Variants in SI observed in about 807,000 individuals in gnomAD.
SI encodes the protein sucrase-isomaltase, intestinal.
A neutral mutation model predicts 253.3 loss-of-function variants in SI; 235 were observed. The ratio of observed to expected loss-of-function variants is 0.93; its 90% CI spans 0.83 to 1.03. The LOEUF (loss-of-function observed/expected upper bound fraction) is 1.03. Among genes scored for constraint, SI ranks in the 50% least tolerant of loss-of-function variants. SI has a pLI of 0.00. For synonymous variants in SI, 819 were observed against 712.0 expected (o/e 1.15, Z -2.39); for missense variants, 2,442 against 2,211.1 (o/e 1.10, Z -2.09).
chr3:165,039,434 T>C (rs1712703209), intron 19 of SI, among the ~76,000 whole-genome samples: 1 of 152,150 alleles, frequency 6.6e-6, no homozygotes, highest in African/African-American at 2.4e-5. Flanking sequence ...TGTTTATTTC[T>C]GTATACCTCA....
chr3:165,019,646 T>G lies in SI; in HGVS notation c.3379A>C (p.Asn1127His), dbSNP rs1436101037. The change falls in exon 28 of 48, where the codon AAC (asparagine) becomes CAC (histidine). Residue 1127 changes from asparagine to histidine, a missense_variant. By Grantham distance (68) the Asn-to-His change is moderately conservative (BLOSUM62 1). Coordinates refer to ENST00000264382, the MANE Select transcript of SI (RefSeq NM_001041.4). ...GTGAACATTCCCCAAGTATTCCAGT[T>G]CAGATCTCGCTTAAATGCTGTATGT... Reference protein sequence around the residue: ...VEHTAFKRDLNWNTWGMFTRD... With the variant: ...VEHTAFKRDLHWNTWGMFTRD... The G allele has an allele frequency of 1.2e-6, 2 of 1,612,476 alleles. No individual in the cohort carries two copies. Among genetic ancestry groups the G allele is most frequent in the East Asian group, 4.5e-5 (2 of 44,812 alleles).
intron 4 of SI, 96 bp from the exon 5 acceptor site, chr3:165,068,927 A>G: frequency 1.0e-6 from 1 of 1,002,424 alleles, no homozygotes; most frequent in South Asian, 1.4e-5. Flanking sequence ...ACAAATGAGT[A>G]CTTTTTAAAT....
At chr3:165,069,303 T>C in intron 3 of SI, 108 bp from the exon 4 acceptor site, 2 of 776,744 alleles carry the variant, frequency 2.6e-6, no homozygotes, top group African/African-American at 1.7e-5. Flanking sequence ...CTTTTTCAAA[T>C]GTATAATATG....
chr3:165,012,135 C>A (rs1481742867), intron 34 of SI, among the ~76,000 whole-genome samples: 1 of 151,986 alleles, frequency 6.6e-6, no homozygotes, highest in Admixed American at 6.6e-5. Flanking sequence ...TGAAATAAAC[C>A]AGTAACAGAA....
chr3:165,085,299 T>C, the SI span, among the ~76,000 whole-genome samples: 1 of 152,210 alleles, frequency 6.6e-6, no homozygotes, highest in East Asian at 1.9e-4. Context: ...AATTCAAGTA[T>C]AAATTTTTTG....
intron 16 of SI, among the ~76,000 whole-genome samples, chr3:165,045,488 AT>A (rs1035908490): frequency 1.3e-5 from 2 of 151,992 alleles, no homozygotes; most frequent in African/African-American, 4.8e-5. Flanking sequence ...CAAATATGCT[AT>A]AAATTGATCT....
intron 22 of SI, among the ~76,000 whole-genome samples, chr3:165,035,003 A>G (rs1425293182): frequency 2.4e-4 from 37 of 151,978 alleles, no homozygotes; most frequent in Non-Finnish European, 5.9e-5. Flanking sequence ...AGTAGAACCA[A>G]TGAAATCCTT....
intron 31 of SI, 90 bp from the exon 32 acceptor site, chr3:165,016,170 TA>T (rs1719017280): frequency 8.3e-7 from 1 of 1,209,988 alleles, no homozygotes; most frequent in African/African-American, 1.5e-5. Flanking sequence ...GTAACAGCAA[TA>T]TGAAAGTTTG....
At chr3:165,013,430 T>C (rs2108167588) in intron 33 of SI, among the ~76,000 whole-genome samples, 1 of 152,270 alleles carries the variant, frequency 6.6e-6, no homozygotes. Flanking sequence ...AATAAATCTT[T>C]TTGTTTGAAA....
chr3:165,026,577 A>G (rs1302165193), intron 25 of SI, among the ~76,000 whole-genome samples: 1 of 151,266 alleles, frequency 6.6e-6, no homozygotes, highest in Non-Finnish European at 1.5e-5. Context: ...AGACTGTATG[A>G]TAGGGCACAA....
intron 25 of SI, among the ~76,000 whole-genome samples, chr3:165,029,197 G>A (rs915531602): frequency 6.6e-6 from 1 of 150,708 alleles, no homozygotes; most frequent in Non-Finnish European, 1.5e-5. Flanking sequence ...CATCACTAAT[G>A]ATCAGGTAAA....
At chr3:165,054,055 A>G (rs1713566586) in intron 13 of SI, among the ~76,000 whole-genome samples, 1 of 152,122 alleles carries the variant, frequency 6.6e-6, no homozygotes, top group African/African-American at 2.4e-5. Context: ...CAGCAGAAAC[A>G]TAATCTTTCC....
At chr3:164,988,135 C>T (rs1320203392) in intron 44 of SI, among the ~76,000 whole-genome samples, 4 of 152,138 alleles carry the variant, frequency 2.6e-5, no homozygotes, top group Non-Finnish European at 4.4e-5. Context: ...TTGGCAGCCT[C>T]ATATTGTTTG....
chr3:165,070,014 T>C (rs918273382), intron 3 of SI, among the ~76,000 whole-genome samples: 9 of 149,132 alleles, frequency 6.0e-5, no homozygotes, highest in African/African-American at 2.0e-4. Flanking sequence ...ACCTTTCTCC[T>C]ATTTTATCCT....
At chr3:165,019,791 A>T (rs746909590) in intron 27 of SI, 21 bp from the exon 28 acceptor site, 35 of 1,608,160 alleles carry the variant, frequency 2.2e-5, no homozygotes, top group Non-Finnish European at 2.9e-5. Context: ...AAGAAAACAA[A>T]GCTATGTCTG....
At position 165,076,813 on chromosome 3, in the gene SI, A is replaced by G. The variant is rs940975631; in HGVS notation, c.1-801T>C. On this transcript the variant is annotated intron_variant, in intron 1 of 47. Coordinates refer to ENST00000264382, the MANE Select transcript of SI (RefSeq NM_001041.4). ...TCTGAAAGCATATTTGTTTAATTTA[A>G]TTTTGACCACATATATCTTATTTTT... Among the ~76,000 whole-genome samples the G allele has an allele frequency of 2.6e-5, 4 of 151,624 alleles. No individual in the cohort carries two copies. In the Admixed American group the frequency reaches 2.6e-4, roughly 10 times the overall value.
rs1265036319 is a variant in SI, at chr3:165,062,486, G to C, written c.908-3C>G. ...TGGAGTAGGCTGGATAAAAATCTCT[G>C]CAAAATAAAATTGGTAAACTTATAT... On this transcript the variant is annotated splice_region_variant and splice_polypyrimidine_tract_variant and intron_variant, in intron 8 of 47. Transcript: ENST00000264382. 1.4e-6 allele frequency: 2 copies of C among 1,481,308 alleles called. No individual in the cohort carries two copies. The highest frequency in any genetic ancestry group is 1.9e-6 in the Non-Finnish European group (2 of 1,060,402). The allele number at this position is 1,481,308 out of a possible 1,614,324, so 91.8% of individuals were successfully genotyped here.
chr3:164,987,443 G>A (rs1717493557), intron 44 of SI, among the ~76,000 whole-genome samples: 1 of 152,106 alleles, frequency 6.6e-6, no homozygotes, highest in Non-Finnish European at 1.5e-5. Flanking sequence ...GGGTGCGGTG[G>A]CTCACGCCTG....
intron 47 of SI, among the ~76,000 whole-genome samples, chr3:164,980,765 C>T (rs566753887): frequency 2.0e-5 from 3 of 152,042 alleles, no homozygotes; most frequent in African/African-American, 4.8e-5. Flanking sequence ...TTGATCAAAA[C>T]GACCTTGAAA....
Sources: allele counts gnomAD v4.1 joint callset (sites outside exome capture counted in the v4.1 genomes callset), GRCh38; gene constraint gnomAD v4.1.1; transcripts MANE v1.5; gene names NCBI Gene and HGNC (gene_info 2026-07-23, HGNC 2026-07-21).